ADAMTSL1: variants seen among roughly 807,000 people sequenced by gnomAD.
ADAMTSL1 encodes the protein ADAMTS like 1, also known as ADAMTS-like protein 1.
A neutral mutation model predicts 201.8 loss-of-function variants in ADAMTSL1; 126 were observed. The observed-to-expected ratio is 0.62, with a 90% CI of 0.54 to 0.72. The LOEUF (loss-of-function observed/expected upper bound fraction) is 0.72. ADAMTSL1 is among the 30% of genes least tolerant of loss of function. The probability of loss-of-function intolerance (pLI) is 0.00; values close to 1 mark genes in which losing one functional copy is unlikely to be tolerated. For synonymous variants in ADAMTSL1, 1,121 were observed against 903.4 expected (o/e 1.24, Z -4.32); for missense variants, 2,679 against 2,277.8 (o/e 1.18, Z -3.59).
In ADAMTSL1 at chr9:18,295,236, G is replaced by A. The variant is rs12555037; in HGVS notation, c.207+131255G>A. Among the ~76,000 whole-genome samples the A allele has an allele frequency of 3.4e-3, 521 of 152,156 alleles. 12 individuals are homozygous for A. Among genetic ancestry groups the A allele is most frequent in the Admixed American group, 0.022 (329 of 15,282 alleles). The stretch of plus-strand genomic sequence containing the variant: ...AGGTCAGTAAATCATTAGCTTTACC[G>A]AGAGGTCACAGTGTACGAAGCAACA... On this transcript the variant is annotated intron_variant, in intron 2 of 29. Transcript: ENST00000680146.
intron 1 of ADAMTSL1, among the ~76,000 whole-genome samples, chr9:17,927,226 A>AT (rs1170397790): frequency 1.3e-5 from 2 of 152,186 alleles, no homozygotes; most frequent in African/African-American, 4.8e-5. Context: ...ATATCGTAGC[A>AT]TATATCAGAA....
intron 1 of ADAMTSL1, among the ~76,000 whole-genome samples, chr9:18,136,597 A>G (rs895486058): frequency 6.6e-6 from 1 of 152,100 alleles, no homozygotes; most frequent in Admixed American, 6.6e-5. Flanking sequence ...GTGGAAGTCA[A>G]CTTGGGCTTC....
chr9:18,401,607 A>G (rs537627640), intron 2 of ADAMTSL1, among the ~76,000 whole-genome samples: 2 of 152,372 alleles, frequency 1.3e-5, no homozygotes, highest in South Asian at 4.1e-4. Context: ...CTGGGGTGGT[A>G]GAATCTGCCA....
At chr9:18,302,856 C>G (rs1430615427) in intron 2 of ADAMTSL1, among the ~76,000 whole-genome samples, 1 of 152,068 alleles carries the variant, frequency 6.6e-6, no homozygotes, top group Non-Finnish European at 1.5e-5. Context: ...TTACCGAAGG[C>G]TTTTATATTT....
At position 18,352,573 on chromosome 9, in the gene ADAMTSL1, G is replaced by A. The variant is rs74329649; in HGVS notation, c.208-152256G>A. 6.3e-3 allele frequency among the ~76,000 whole-genome samples: 954 copies of A among 152,198 alleles called. 15 individuals are homozygous for A. The highest frequency in any genetic ancestry group is 5.2e-3 in the Non-Finnish European group (355 of 67,994). The stretch of plus-strand genomic sequence containing the variant: ...ATTTAAATTTCCTTTCTATCCCAGT[G>A]TTAATGATAATTGTATGTGTATGTG... On this transcript the variant is annotated intron_variant, in intron 2 of 29. Coordinates refer to the ADAMTSL1 transcript ENST00000680146.
At chr9:18,288,868 G>T (rs1013666208) in intron 2 of ADAMTSL1, among the ~76,000 whole-genome samples, 7 of 152,144 alleles carry the variant, frequency 4.6e-5, no homozygotes, top group African/African-American at 1.7e-4. Context: ...TGGTATAAAT[G>T]GACTAGTTCA....
chr9:18,777,055 A>G lies in ADAMTSL1; in HGVS notation c.2826A>G (p.Ala942=), dbSNP rs1234406643. ...TCCACCGCCTCAAGCCCTCGGATGC[A>G]GGCGTCTACACCTGCTCAGCGGGCC... ...LKIHRLKPSD[A]GVYTCSAGPA... Residue 942 remains alanine, a synonymous_variant, in exon 19 of 29, where the codon GCA becomes GCG. Coordinates refer to ENST00000380548, the MANE Select transcript of ADAMTSL1 (RefSeq NM_001040272.6). The G allele has an allele frequency of 6.2e-7, 1 of 1,612,402 alleles. No homozygotes were observed.
chr9:18,866,507 ATTAAT>A (rs1402603316), intron 23 of ADAMTSL1, among the ~76,000 whole-genome samples: 2 of 152,218 alleles, frequency 1.3e-5, no homozygotes, highest in African/African-American at 2.4e-5. Flanking sequence ...TTTGGTTATA[ATTAAT>A]TTATTTTGAT....
intron 2 of ADAMTSL1, among the ~76,000 whole-genome samples, chr9:18,432,161 G>A (rs971008348): frequency 1.3e-5 from 2 of 152,036 alleles, no homozygotes; most frequent in African/African-American, 4.8e-5. Flanking sequence ...TCTCAGTTGT[G>A]TGCCAACCAT....
chr9:18,589,452 C>T (rs1823767423), intron 4 of ADAMTSL1, among the ~76,000 whole-genome samples: 1 of 152,004 alleles, frequency 6.6e-6, no homozygotes, highest in Non-Finnish European at 1.5e-5. Flanking sequence ...TAAATTTGTT[C>T]ACAAGTTATA....
At chr9:18,558,731 T>C (rs950902032) in intron 3 of ADAMTSL1, among the ~76,000 whole-genome samples, 3 of 152,230 alleles carry the variant, frequency 2.0e-5, no homozygotes, top group Non-Finnish European at 4.4e-5. Flanking sequence ...TATCTCATTA[T>C]AGATTTGATT....
chr9:18,084,233 G>A (rs73420843), intron 1 of ADAMTSL1, among the ~76,000 whole-genome samples: 1 of 152,090 alleles, frequency 6.6e-6, no homozygotes, highest in Non-Finnish European at 1.5e-5. Flanking sequence ...TTAAGAGGTG[G>A]TGGTGAGGCT....
intron 7 of ADAMTSL1, among the ~76,000 whole-genome samples, chr9:18,648,663 A>C (rs985446225): frequency 1.3e-5 from 2 of 151,868 alleles, no homozygotes; most frequent in Non-Finnish European, 2.9e-5. Flanking sequence ...GTTTGGCTGG[A>C]TATGAAATTC....
chr9:18,209,368 G>C (rs1250558044), intron 2 of ADAMTSL1, among the ~76,000 whole-genome samples: 1 of 152,096 alleles, frequency 6.6e-6, no homozygotes, highest in Non-Finnish European at 1.5e-5. Context: ...ACTTAACTCT[G>C]GGATGTGTAG....
chr9:18,579,174 G>T (rs1033300539), intron 4 of ADAMTSL1, among the ~76,000 whole-genome samples: 1 of 150,422 alleles, frequency 6.6e-6, no homozygotes, highest in African/African-American at 2.4e-5. Context: ...CGTAAAAAAT[G>T]ATGAGTTCAT....
intron 14 of ADAMTSL1, among the ~76,000 whole-genome samples, chr9:18,717,703 ATG>A (rs373648920): frequency 8.4e-4 from 128 of 152,314 alleles, no homozygotes; most frequent in African/African-American, 2.9e-3. Flanking sequence ...TGGATGAAGA[ATG>A]TCTCTTAGCA....
chr9:18,598,928 A>G (rs2132524107), intron 4 of ADAMTSL1, among the ~76,000 whole-genome samples: 1 of 152,290 alleles, frequency 6.6e-6, no homozygotes, highest in South Asian at 2.1e-4. Context: ...CACTCAAATG[A>G]AAGAATATAC....
chr9:18,462,764 T>C (rs1314970645), intron 2 of ADAMTSL1, among the ~76,000 whole-genome samples: 1 of 151,128 alleles, frequency 6.6e-6, no homozygotes, highest in Non-Finnish European at 1.5e-5. Context: ...CATGGTGAAA[T>C]CTCATCTCTA....
chr9:18,010,202 T>C (rs573255461), intron 1 of ADAMTSL1, among the ~76,000 whole-genome samples: 66 of 152,132 alleles, frequency 4.3e-4, no homozygotes, highest in African/African-American at 1.6e-3. Flanking sequence ...ATATGATTGT[T>C]AAGGCAGATT....
Sources: allele counts gnomAD v4.1 joint callset (sites outside exome capture counted in the v4.1 genomes callset), GRCh38; gene constraint gnomAD v4.1.1; transcripts MANE v1.5; gene names NCBI Gene and HGNC (gene_info 2026-07-23, HGNC 2026-07-21).